The following PKN2 variants were observed in gnomAD, a reference collection of about 807,000 sequenced individuals.
The protein encoded by PKN2 is protein kinase N2.
PKN2 carries 38 observed loss-of-function variants against 119.1 expected under a neutral mutation model. The ratio of observed to expected loss-of-function variants is 0.32; its 90% CI spans 0.25 to 0.42. The LOEUF (loss-of-function observed/expected upper bound fraction) is 0.42. PKN2 is among the 10% of genes least tolerant of loss of function. PKN2 has a pLI of 1.00. For missense variants in PKN2, 850 were observed against 1,165.1 expected (o/e 0.73, Z 3.94); for synonymous variants, 390 against 384.9 (o/e 1.01, Z -0.15).
chr1:88,735,917 C>T (rs943058669), intron 1 of PKN2, among the ~76,000 whole-genome samples: 1 of 152,044 alleles, frequency 6.6e-6, no homozygotes, highest in Non-Finnish European at 1.5e-5. Flanking sequence ...TTTGAATAAG[C>T]TTTCTTCCCA....
intron 1 of PKN2, among the ~76,000 whole-genome samples, chr1:88,718,965 CTCTT>C (rs910729051): frequency 3.3e-5 from 5 of 152,112 alleles, no homozygotes; most frequent in African/African-American, 9.7e-5. Context: ...GGATACCTCT[CTCTT>C]TCTTACCCTC....
chr1:88,778,376 C>G (rs1315709005), intron 6 of PKN2, among the ~76,000 whole-genome samples: 1 of 152,238 alleles, frequency 6.6e-6, no homozygotes, highest in Non-Finnish European at 1.5e-5. Context: ...GGGCCCTGTG[C>G]TTGAGCACTC....
intron 2 of PKN2, among the ~76,000 whole-genome samples, chr1:88,752,665 T>A (rs148676284): frequency 0.012 from 1,903 of 152,290 alleles, 15 homozygotes; most frequent in Middle Eastern, 0.017. Flanking sequence ...CCTGTAATCT[T>A]TCTGTCTTGA....
chr1:88,794,011 T>C (rs374100649), intron 8 of PKN2, among the ~76,000 whole-genome samples: 3 of 152,188 alleles, frequency 2.0e-5, no homozygotes, highest in Non-Finnish European at 2.9e-5. Flanking sequence ...ACTCCTGAAC[T>C]CTGGTATACC....
At chr1:88,807,254 A>G in intron 12 of PKN2, 59 bp from the exon 13 acceptor site, 2 of 1,096,724 alleles carry the variant, frequency 1.8e-6, no homozygotes, top group Non-Finnish European at 2.6e-6. Context: ...TTTTATCATT[A>G]TCAAATAAGT....
intron 1 of PKN2, among the ~76,000 whole-genome samples, chr1:88,691,653 C>T (rs892162828): frequency 3.3e-5 from 5 of 152,072 alleles, no homozygotes; most frequent in East Asian, 1.9e-4. Context: ...CTATTCTATC[C>T]GTCTATTTCC....
intron 1 of PKN2, among the ~76,000 whole-genome samples, chr1:88,726,635 A>G (rs1035603996): frequency 3.7e-4 from 56 of 152,162 alleles, no homozygotes; most frequent in African/African-American, 1.3e-3. Context: ...TTTTGTGTGT[A>G]TTTCTTCTGT....
At chr1:88,721,174 C>T (rs1359320321) in intron 1 of PKN2, among the ~76,000 whole-genome samples, 1 of 152,070 alleles carries the variant, frequency 6.6e-6, no homozygotes, top group Non-Finnish European at 1.5e-5. Flanking sequence ...GGTAGACCTA[C>T]TTTTAGTTCT....
intron 2 of PKN2, among the ~76,000 whole-genome samples, chr1:88,748,189 A>G (rs998903447): frequency 6.6e-6 from 1 of 152,168 alleles, no homozygotes; most frequent in African/African-American, 2.4e-5. Context: ...CTGCCACCAC[A>G]TTCAGAAAAA....
At chr1:88,699,016 T>C (rs921019811) in intron 1 of PKN2, among the ~76,000 whole-genome samples, 1 of 152,222 alleles carries the variant, frequency 6.6e-6, no homozygotes, top group African/African-American at 2.4e-5. Context: ...ACTTTATTTA[T>C]TGCATTGTAT....
At chr1:88,712,788 T>G (rs1667286000) in intron 1 of PKN2, among the ~76,000 whole-genome samples, 1 of 152,218 alleles carries the variant, frequency 6.6e-6, no homozygotes, top group African/African-American at 2.4e-5. Flanking sequence ...TTTATGTTTT[T>G]ATTATACTTT....
chr1:88,710,112 A>G lies in PKN2; in HGVS notation c.48+25484A>G, dbSNP rs57003449. 5.0e-3 allele frequency among the ~76,000 whole-genome samples: 767 copies of G among 152,346 alleles called. 3 individuals carry two copies. Among genetic ancestry groups the G allele is most frequent in the African/African-American group, 0.017 (722 of 41,584 alleles). On this transcript the variant is annotated intron_variant, in intron 1 of 21. Coordinates refer to ENST00000370521, the MANE Select transcript of PKN2 (RefSeq NM_006256.4). The stretch of plus-strand genomic sequence containing the variant: ...TGGTGATGTGTAAACAGACAGTTAG[A>G]AATGTAAAACCGGTCCTGGGATTCA...
intron 16 of PKN2, among the ~76,000 whole-genome samples, chr1:88,819,084 A>G (rs1191490055): frequency 1.3e-5 from 2 of 152,224 alleles, no homozygotes. Context: ...ACCCTAGAAG[A>G]AAACCTAGGC....
At chr1:88,778,113 C>T (rs1332485344) in intron 6 of PKN2, among the ~76,000 whole-genome samples, 1 of 152,206 alleles carries the variant, frequency 6.6e-6, no homozygotes, top group East Asian at 1.9e-4. Flanking sequence ...AACTAATGTA[C>T]CTTTTACATG....
chr1:88,691,654 G>A (rs576300389), intron 1 of PKN2, among the ~76,000 whole-genome samples: 10 of 152,062 alleles, frequency 6.6e-5, no homozygotes, highest in African/African-American at 2.2e-4. Context: ...TATTCTATCC[G>A]TCTATTTCCA....
intron 1 of PKN2, among the ~76,000 whole-genome samples, chr1:88,716,813 A>G (rs1667476329): frequency 6.6e-6 from 1 of 152,092 alleles, no homozygotes; most frequent in Non-Finnish European, 1.5e-5. Context: ...TAATATTGTT[A>G]TGTGTGAATT....
In PKN2 at chr1:88,757,870, G is replaced by A. The variant is rs150642422; in HGVS notation, c.350-2352G>A. Among the ~76,000 whole-genome samples, 835 of 151,404 alleles carry A rather than the reference G, an allele frequency of 5.5e-3. 2 individuals carry two copies. The highest frequency in any genetic ancestry group is 0.019 in the African/African-American group (771 of 41,266). On this transcript the variant is annotated intron_variant, in intron 2 of 21. Coordinates refer to ENST00000370521, the MANE Select transcript of PKN2 (RefSeq NM_006256.4). Reference sequence around the variant, plus strand: ...AGCCTGGCCAAGATGGTGAAACCCCGTCTCTACTAAAAATACAAAAAATTA... The same window carrying A: ...AGCCTGGCCAAGATGGTGAAACCCCATCTCTACTAAAAATACAAAAAATTA...
intron 1 of PKN2, among the ~76,000 whole-genome samples, chr1:88,712,323 A>G (rs1381329880): frequency 2.6e-5 from 4 of 152,132 alleles, no homozygotes; most frequent in African/African-American, 7.2e-5. Flanking sequence ...ATTTTTTAGG[A>G]AAAAAACCTG....
chr1:88,709,929 G>A (rs528392749), intron 1 of PKN2, among the ~76,000 whole-genome samples: 7 of 152,270 alleles, frequency 4.6e-5, no homozygotes, highest in South Asian at 2.1e-4. Flanking sequence ...GATTGGATGT[G>A]GAGGGCAAGA....
Sources: gnomAD v4.1 joint callset for allele counts (sites outside exome capture counted in the v4.1 genomes callset) on GRCh38, gnomAD v4.1.1 for gene constraint, MANE v1.5 for transcripts, NCBI Gene and HGNC (gene_info 2026-07-23, HGNC 2026-07-21) for gene names.